Variants in ADK observed in about 807,000 individuals in gnomAD.
ADK encodes the protein N6,N6-dimethyladenosine kinase.
ADK carries 24 observed loss-of-function variants against 44.7 expected under a neutral mutation model. The ratio of observed to expected loss-of-function variants is 0.54; its 90% CI spans 0.39 to 0.76. The LOEUF is 0.76. Among genes scored for constraint, ADK ranks in the 30% least tolerant of loss-of-function variants. The probability of loss-of-function intolerance (pLI) is 0.00; values close to 1 mark genes in which losing one functional copy is unlikely to be tolerated. For missense variants in ADK, 321 were observed against 425.1 expected, an observed-to-expected ratio of 0.76 and a Z score of 2.15; for synonymous variants, 128 against 142.6, an observed-to-expected ratio of 0.90 and a Z score of 0.73.
intron 4 of ADK, among the ~76,000 whole-genome samples, chr10:74,366,406 T>C (rs748182384): frequency 8.5e-5 from 13 of 152,212 alleles, no homozygotes; most frequent in Admixed American, 2.6e-4. Flanking sequence ...AAATTGCTGA[T>C]ACTTATTTCT....
In ADK at chr10:74,437,354, G is replaced by C. The variant is rs145053775; in HGVS notation, c.555+38775G>C. On this transcript the variant is annotated intron_variant, in intron 6 of 10. Coordinates refer to ENST00000539909, the MANE Select transcript of ADK (RefSeq NM_006721.4). Reference sequence around the variant, plus strand: ...TATTTTTAGCACATACCTCTTTTCTGATCTCCAAACTTAATGACCAACTGG... The same window carrying C: ...TATTTTTAGCACATACCTCTTTTCTCATCTCCAAACTTAATGACCAACTGG... Among the ~76,000 whole-genome samples, 516 of 152,188 alleles carry C rather than the reference G, an allele frequency of 3.4e-3. 3 individuals are homozygous for C. Among genetic ancestry groups the C allele is most frequent in the African/African-American group, 0.012 (487 of 41,538 alleles).
chr10:74,424,754 A>G (rs758374765), intron 6 of ADK, among the ~76,000 whole-genome samples: 10 of 152,048 alleles, frequency 6.6e-5, no homozygotes, highest in East Asian at 1.9e-4. Context: ...CTTCAGATCT[A>G]TCTTCCGATA....
At chr10:74,328,580 A>T (rs1841099682) in intron 4 of ADK, among the ~76,000 whole-genome samples, 1 of 152,142 alleles carries the variant, frequency 6.6e-6, no homozygotes, top group Admixed American at 6.5e-5. Flanking sequence ...TGATTGGATC[A>T]TGGGGGTGGT....
intron 9 of ADK, among the ~76,000 whole-genome samples, chr10:74,669,884 C>T (rs1251798808): frequency 6.6e-6 from 1 of 152,136 alleles, no homozygotes; most frequent in Non-Finnish European, 1.5e-5. Context: ...TGTTCATTTG[C>T]ACTGTCCAGA....
intron 3 of ADK, among the ~76,000 whole-genome samples, chr10:74,237,569 G>A (rs970345593): frequency 4.6e-5 from 7 of 152,162 alleles, no homozygotes; most frequent in African/African-American, 1.2e-4. Flanking sequence ...TGATGAATAC[G>A]TTGCAGGAGG....
intron 3 of ADK, among the ~76,000 whole-genome samples, chr10:74,303,765 C>T (rs1315717863): frequency 2.0e-5 from 3 of 150,890 alleles, no homozygotes; most frequent in Admixed American, 6.6e-5. Flanking sequence ...GTCAGGAGTT[C>T]GAGACCAGCC....
At chr10:74,329,627 G>A (rs1471169834) in intron 4 of ADK, among the ~76,000 whole-genome samples, 1 of 152,158 alleles carries the variant, frequency 6.6e-6, no homozygotes, top group Admixed American at 6.5e-5. Flanking sequence ...TGACCACTGG[G>A]AAACTATGGT....
intron 4 of ADK, among the ~76,000 whole-genome samples, chr10:74,391,614 G>T (rs1843330857): frequency 6.8e-6 from 1 of 147,576 alleles, no homozygotes; most frequent in Non-Finnish European, 1.5e-5. Context: ...GACTGAGCTG[G>T]GAGGATCTGT....
intron 6 of ADK, among the ~76,000 whole-genome samples, chr10:74,406,524 A>C (rs1366375151): frequency 1.9e-5 from 1 of 51,410 alleles, no homozygotes; most frequent in East Asian, 4.0e-4. Context: ...TAATAATAAT[A>C]ATAAGAAGAA....
intron 7 of ADK, among the ~76,000 whole-genome samples, chr10:74,531,555 A>G (rs1373720002): frequency 6.6e-6 from 1 of 152,096 alleles, no homozygotes; most frequent in Non-Finnish European, 1.5e-5. Flanking sequence ...TTGTTTTGAG[A>G]CAAGGTCTCA....
At chr10:74,486,918 A>G (rs140909033) in intron 6 of ADK, among the ~76,000 whole-genome samples, 388 of 152,248 alleles carry the variant, frequency 2.5e-3, no homozygotes, top group Non-Finnish European at 4.5e-3. Flanking sequence ...TCCCAGATCT[A>G]TGTGTACTAT....
intron 10 of ADK, among the ~76,000 whole-genome samples, chr10:74,682,710 AC>A (rs1361152188): frequency 6.6e-6 from 1 of 151,716 alleles, no homozygotes; most frequent in Non-Finnish European, 1.5e-5. Flanking sequence ...AGTAGCTGGG[AC>A]TACAGGTGTG....
rs1410927297 is a variant in ADK at position 74,660,254 on chromosome 10, G to A, written c.878-9929G>A. 3.9e-5 allele frequency among the ~76,000 whole-genome samples: 6 copies of A among 151,978 alleles called. No individual in the cohort carries two copies. The East Asian group carries it at 9.7e-4, about 25-fold the overall frequency. ...AACCATCCTCCCACCTCAGCCTCCC[G>A]AATAGCTGGGGCTACAGGAATGCAC... On this transcript the variant is annotated intron_variant, in intron 9 of 10. Transcript: ENST00000539909.
At chr10:74,637,838 GAC>G (rs1853670586) in intron 9 of ADK, among the ~76,000 whole-genome samples, 1 of 152,214 alleles carries the variant, frequency 6.6e-6, no homozygotes, top group Admixed American at 6.5e-5. Flanking sequence ...ACCTTACAAA[GAC>G]ACATGAAGAA....
intron 5 of ADK, among the ~76,000 whole-genome samples, chr10:74,395,979 C>T (rs1377139199): frequency 6.6e-6 from 1 of 152,098 alleles, no homozygotes; most frequent in Non-Finnish European, 1.5e-5. Context: ...CTATTGCGCT[C>T]CAGCCTGGGC....
chr10:74,627,661 C>T lies in ADK; in HGVS notation c.877+27168C>T, dbSNP rs570296308. ...TGTTTTGTTTTCTGAGACGGAGTCT[C>T]GCTCTGTCACCCAGGCTGGAGTGTG... On this transcript the variant is annotated intron_variant, in intron 9 of 10. Transcript: ENST00000539909. 2.6e-5 allele frequency among the ~76,000 whole-genome samples: 4 copies of T among 151,428 alleles called. No individual in the cohort carries two copies. The East Asian group carries it at 5.8e-4, about 22-fold the overall frequency.
At chr10:74,655,560 G>A in intron 9 of ADK, 1 of 488,252 alleles carries the variant, frequency 2.0e-6, no homozygotes, top group Non-Finnish European at 4.1e-6. Flanking sequence ...TGGCTGGCTG[G>A]CCCCAAGAAA....
chr10:74,546,367 G>T (rs1399362413), intron 7 of ADK, among the ~76,000 whole-genome samples: 1 of 152,146 alleles, frequency 6.6e-6, no homozygotes, highest in Non-Finnish European at 1.5e-5. Flanking sequence ...CATGGTAAGA[G>T]ATAGGCCTTT....
intron 4 of ADK, among the ~76,000 whole-genome samples, chr10:74,352,995 A>T (rs540559181): frequency 5.3e-5 from 8 of 152,364 alleles, no homozygotes; most frequent in Admixed American, 2.6e-4. Flanking sequence ...CCGCTGTAGA[A>T]GACAGTGTAG....
Sources: gnomAD v4.1 joint callset for allele counts (sites outside exome capture counted in the v4.1 genomes callset) on GRCh38, gnomAD v4.1.1 for gene constraint, MANE v1.5 for transcripts, NCBI Gene and HGNC (gene_info 2026-07-23, HGNC 2026-07-21) for gene names.